The following DLEU7 variants were observed in gnomAD, a reference collection of about 807,000 sequenced individuals.
The protein encoded by DLEU7 is deleted in lymphocytic leukemia 7, also known as leukemia-associated protein 7.
DLEU7 carries 17 observed loss-of-function variants against 16.0 expected under a neutral mutation model. The observed-to-expected ratio is 1.06, with a 90% confidence interval of 0.73 to 1.59. DLEU7 has a LOEUF of 1.59. DLEU7 is among the 40% of genes most tolerant of loss of function. DLEU7 has a pLI of 0.00. For synonymous variants in DLEU7, 113 were observed against 139.8 expected (o/e 0.81, Z 1.35); for missense variants, 308 against 314.9 (o/e 0.98, Z 0.17).
intron 1 of DLEU7, among the ~76,000 whole-genome samples, chr13:50,768,986 G>A (rs1300624823): frequency 1.3e-5 from 2 of 152,204 alleles, no homozygotes; most frequent in South Asian, 2.1e-4. Context: ...TCTAACTGGT[G>A]TGAGATGGTA....
chr13:50,730,341 G>A (rs1461477467), intron 1 of DLEU7, among the ~76,000 whole-genome samples: 1 of 152,140 alleles, frequency 6.6e-6, no homozygotes, highest in Non-Finnish European at 1.5e-5. Flanking sequence ...TAGAGCAGAG[G>A]AAAGGTAAGA....
chr13:50,733,741 T>C (rs901712499), intron 1 of DLEU7, among the ~76,000 whole-genome samples: 2 of 152,188 alleles, frequency 1.3e-5, no homozygotes, highest in African/African-American at 4.8e-5. Flanking sequence ...CTTAACAAAA[T>C]AATAATAGTA....
chr13:50,773,424 T>C (rs1345165679), intron 1 of DLEU7, among the ~76,000 whole-genome samples: 4 of 152,212 alleles, frequency 2.6e-5, no homozygotes, highest in African/African-American at 9.6e-5. Context: ...CTTTGGTCTT[T>C]GATGATAGTG....
At chr13:50,828,058 A>G (rs897736737) in intron 1 of DLEU7, among the ~76,000 whole-genome samples, 2 of 152,192 alleles carry the variant, frequency 1.3e-5, no homozygotes, top group African/African-American at 2.4e-5. Context: ...AGATGTCACA[A>G]TTTTGTACCT....
At chr13:50,776,269 CTG>C (rs1875491374) in intron 1 of DLEU7, among the ~76,000 whole-genome samples, 1 of 152,150 alleles carries the variant, frequency 6.6e-6, no homozygotes, top group Non-Finnish European at 1.5e-5. Flanking sequence ...TGAGTTTTAT[CTG>C]TGGAAATGAT....
intron 1 of DLEU7, among the ~76,000 whole-genome samples, chr13:50,801,418 A>G (rs1431086052): frequency 6.6e-6 from 1 of 152,092 alleles, no homozygotes; most frequent in Non-Finnish European, 1.5e-5. Flanking sequence ...CATCAGCCCC[A>G]CATTTTCATT....
intron 1 of DLEU7, among the ~76,000 whole-genome samples, chr13:50,814,761 AGTGTGT>A (rs10670911): frequency 7.2e-6 from 1 of 138,554 alleles, no homozygotes; most frequent in Non-Finnish European, 1.6e-5. Context: ...TATTCATGTG[AGTGTGT>A]GTGTGTGTGT....
intron 1 of DLEU7, among the ~76,000 whole-genome samples, chr13:50,753,762 G>A (rs749690201): frequency 4.6e-5 from 7 of 152,232 alleles, no homozygotes; most frequent in Non-Finnish European, 8.8e-5. Flanking sequence ...CCACAGTGCA[G>A]CGGTAGGCTG....
intron 1 of DLEU7, among the ~76,000 whole-genome samples, chr13:50,776,175 T>C (rs1245755424): frequency 2.0e-5 from 3 of 152,214 alleles, no homozygotes; most frequent in African/African-American, 4.8e-5. Flanking sequence ...ACTTATTCAG[T>C]CAGTTGACTT....
chr13:50,746,151 G>C (rs1468917143), intron 1 of DLEU7, among the ~76,000 whole-genome samples: 1 of 152,150 alleles, frequency 6.6e-6, no homozygotes, highest in Non-Finnish European at 1.5e-5. Context: ...CAAGCTCTTA[G>C]AGTAGTACCT....
At chr13:50,767,455 C>CAA (rs35091007) in intron 1 of DLEU7, among the ~76,000 whole-genome samples, 65 of 64,432 alleles carry the variant, frequency 1.0e-3, no homozygotes, top group Non-Finnish European at 1.2e-3. Context: ...GACTCCGTCT[C>CAA]AAAAAAAAAA....
At chr13:50,758,025 A>ATTTTTTT (rs5803530) in intron 1 of DLEU7, among the ~76,000 whole-genome samples, 24 of 89,090 alleles carry the variant, frequency 2.7e-4, no homozygotes, top group East Asian at 1.3e-3. Context: ...CATTACCAAG[A>ATTTTTTT]TTTTTTTTTT....
At chr13:50,785,214 G>T (rs1875766406) in intron 1 of DLEU7, among the ~76,000 whole-genome samples, 1 of 152,188 alleles carries the variant, frequency 6.6e-6, no homozygotes. Context: ...GTTGGGACAA[G>T]TGAGACACAG....
At chr13:50,795,231 T>A (rs1299372684) in intron 1 of DLEU7, among the ~76,000 whole-genome samples, 1 of 152,142 alleles carries the variant, frequency 6.6e-6, no homozygotes, top group Non-Finnish European at 1.5e-5. Flanking sequence ...GTCATATATT[T>A]TTTTCAGCCA....
At chr13:50,766,806 C>G (rs181844570) in intron 1 of DLEU7, among the ~76,000 whole-genome samples, 1 of 152,024 alleles carries the variant, frequency 6.6e-6, no homozygotes, top group Non-Finnish European at 1.5e-5. Flanking sequence ...TCCCACCCCC[C>G]ACGCCCCACC....
chr13:50,714,157 T>C lies in DLEU7; in HGVS notation c.460-917A>G, dbSNP rs907367317. Among the ~76,000 whole-genome samples, 11 of 152,236 alleles carry C rather than the reference T, an allele frequency of 7.2e-5. No individual in the cohort carries two copies. In the East Asian group the frequency reaches 2.1e-3, roughly 29 times the overall value. On this transcript the variant is annotated intron_variant, in intron 1 of 1. Coordinates refer to the DLEU7 transcript ENST00000400393. ...TCATTGTAGGAAGGCATAAGAGTCC[T>C]GCTTACTGGTGAGCCACTGAACACA...
chr13:50,827,497 G>C (rs1341838229), intron 1 of DLEU7, among the ~76,000 whole-genome samples: 1 of 150,712 alleles, frequency 6.6e-6, no homozygotes, highest in Non-Finnish European at 1.5e-5. Context: ...TGGGCTACAT[G>C]GCAAAACCCT....
At chr13:50,733,639 A>G (rs531508035) in intron 1 of DLEU7, among the ~76,000 whole-genome samples, 5 of 152,204 alleles carry the variant, frequency 3.3e-5, no homozygotes, top group African/African-American at 1.2e-4. Context: ...TTCCTGTCTC[A>G]TATCTCTCAA....
intron 1 of DLEU7, among the ~76,000 whole-genome samples, chr13:50,720,232 A>G (rs746057740): frequency 1.3e-5 from 2 of 152,172 alleles, no homozygotes; most frequent in East Asian, 1.9e-4. Context: ...AAAGCACATC[A>G]TGTGGCAAGC....
Sources: allele counts gnomAD v4.1 joint callset (sites outside exome capture counted in the v4.1 genomes callset), GRCh38; gene constraint gnomAD v4.1.1; transcripts MANE v1.5; gene names NCBI Gene and HGNC (gene_info 2026-07-23, HGNC 2026-07-21).